The following SERPINA4 variants were observed in gnomAD, a reference collection of about 807,000 sequenced individuals.
SERPINA4 encodes kallistatin.
A neutral mutation model predicts 25.4 loss-of-function variants in SERPINA4; 24 were observed. The observed-to-expected ratio is 0.95, with a 90% CI of 0.69 to 1.33. SERPINA4 has a LOEUF of 1.33. Ranked by LOEUF, SERPINA4 falls within the 40% of genes most tolerant of loss-of-function variation. The pLI is 0.00. For synonymous variants in SERPINA4, 242 were observed against 223.6 expected (o/e 1.08, Z -0.73); for missense variants, 553 against 535.8 (o/e 1.03, Z -0.32).
At chr14:94,562,622 C>G (rs145354558) in intron 1 of SERPINA4, among the ~76,000 whole-genome samples, 1,876 of 152,096 alleles carry the variant, frequency 0.012, 20 homozygotes, top group Non-Finnish European at 0.018. Context: ...AACAAACAAC[C>G]AAACAAACAA....
At position 94,569,457 on chromosome 14, in the gene SERPINA4, C is replaced by T; in HGVS notation, c.1146C>T (p.Ser382=). Residue 382 remains serine (S), a synonymous_variant, in exon 5 of 5, where the codon AGC becomes AGT. Coordinates refer to ENST00000557004, the MANE Select transcript of SERPINA4 (RefSeq NM_006215.4). ...EAGTEAAAAT[S]FAIKFFSAQT... is the part of the protein sequence containing the mutation. ...GCACCGAGGCTGCAGCAGCCACCAG[C>T]TTCGCGATCAAATTCTTCTCTGCCC... 1 of 1,614,222 alleles carries T rather than the reference C, an allele frequency of 6.2e-7. No individual in the cohort carries two copies. Among genetic ancestry groups the T allele is most frequent in the Non-Finnish European group, 8.5e-7 (1 of 1,180,042 alleles).
chr14:94,564,373 A>C (rs1379289522), intron 2 of SERPINA4, among the ~76,000 whole-genome samples: 1 of 152,222 alleles, frequency 6.6e-6, no homozygotes, highest in Non-Finnish European at 1.5e-5. Context: ...TATAAAATGC[A>C]TTATAGCCAG....
intron 4 of SERPINA4, 47 bp downstream of exon 4, chr14:94,568,335 T>C: frequency 6.3e-7 from 1 of 1,594,938 alleles, no homozygotes; most frequent in Non-Finnish European, 8.6e-7. Context: ...GGTAGGGCAG[T>C]GCCCATGGGA....
intron 2 of SERPINA4, among the ~76,000 whole-genome samples, chr14:94,565,752 G>A (rs939469553): frequency 7.9e-5 from 12 of 152,210 alleles, no homozygotes; most frequent in Admixed American, 5.2e-4. Context: ...CAGCCACTTG[G>A]GAGGCTGAGG....
At chr14:94,562,957 CAT>C (rs1263359145) in intron 1 of SERPINA4, among the ~76,000 whole-genome samples, 2 of 152,112 alleles carry the variant, frequency 1.3e-5, no homozygotes, top group African/African-American at 4.8e-5. Context: ...GTTTGTAAAC[CAT>C]ATAAAGCACT....
At chr14:94,567,792 A>C (rs949303556) in intron 3 of SERPINA4, among the ~76,000 whole-genome samples, 2 of 152,252 alleles carry the variant, frequency 1.3e-5, no homozygotes, top group Non-Finnish European at 1.5e-5. Flanking sequence ...GCTGGTTCAA[A>C]AAGAATAAAA....
In SERPINA4 at chr14:94,568,204, G is replaced by T. The variant is rs929227047; in HGVS notation, c.999G>T (p.Leu333Phe). 5 of 1,614,102 alleles carry T rather than the reference G, an allele frequency of 3.1e-6. No homozygotes were observed. The highest frequency in any genetic ancestry group is 4.2e-6 in the Non-Finnish European group (5 of 1,180,046). The stretch of plus-strand genomic sequence containing the variant: ...GCTCCTATGTATTAGATCAGATTTT[G>T]CCCAGGCTGGGCTTCACGGATCTGT... ...ISGSYVLDQI[L>F]PRLGFTDLFS... Residue 333 changes from leucine to phenylalanine, a missense_variant, in exon 4 of 5, where the codon TTG becomes TTT. Coordinates refer to ENST00000557004, the MANE Select transcript of SERPINA4 (RefSeq NM_006215.4).
At chr14:94,569,218 A>C (rs1595068228) in intron 4 of SERPINA4, among the ~76,000 whole-genome samples, 177 bp from the exon 5 acceptor site, 1 of 152,220 alleles carries the variant, frequency 6.6e-6, no homozygotes, top group African/African-American at 2.4e-5. Context: ...TGTGTGTGGC[A>C]GGAGGTCTCT....
Position 94,563,620 on chromosome 14 carries a change from C to T in SERPINA4, c.138C>T (p.Ser46=), listed in dbSNP as rs769158748. The change falls in exon 2 of 5, where the codon TCC becomes TCT. Residue 46 remains serine (S), a synonymous_variant. Coordinates refer to ENST00000557004, the MANE Select transcript of SERPINA4 (RefSeq NM_006215.4). The part of the protein sequence containing the change: ...HQQILETGEG[S]PSLKIAPANA... ...AGATTCTGGAGACAGGTGAGGGCTC[C>T]CCCAGCCTCAAGATAGCCCCTGCCA... 9 of 1,613,816 alleles carry T rather than the reference C, an allele frequency of 5.6e-6. No individual in the cohort carries two copies. The highest frequency in any genetic ancestry group is 7.6e-6 in the Non-Finnish European group (9 of 1,180,044).
intron 1 of SERPINA4, 189 bp downstream of exon 1, chr14:94,561,683 C>T (rs910352): frequency 0.37 from 472,561 of 1,288,666 alleles, 88,152 homozygotes; most frequent in East Asian, 0.55. Flanking sequence ...AGAAAGGCCC[C>T]GACTTAGGGT....
intron 2 of SERPINA4, among the ~76,000 whole-genome samples, chr14:94,565,185 T>A (rs1296245176): frequency 6.6e-6 from 1 of 152,138 alleles, no homozygotes; most frequent in African/African-American, 2.4e-5. Context: ...TAGAGGGGAA[T>A]CTATATGCCA....
chr14:94,566,831 G>A (rs991746005), intron 2 of SERPINA4, 139 bp from the exon 3 acceptor site: 3 of 958,902 alleles, frequency 3.1e-6, no homozygotes, highest in South Asian at 1.7e-5. Flanking sequence ...TGGTCAAAAT[G>A]GGACATCTTG....
intron 4 of SERPINA4, 116 bp downstream of exon 4, chr14:94,568,404 C>A: frequency 9.7e-7 from 1 of 1,026,514 alleles, no homozygotes; most frequent in South Asian, 1.6e-5. Flanking sequence ...TGAGTGTGTT[C>A]AGTCATCTAC....
chr14:94,567,248 T>A lies in SERPINA4; in HGVS notation c.923+5T>A. On this transcript the variant is annotated splice_donor_5th_base_variant and intron_variant, in intron 3 of 4. Coordinates refer to ENST00000557004, the MANE Select transcript of SERPINA4 (RefSeq NM_006215.4). ...GAACAACTTGTTGCGGAAGAGGTAA[T>A]CAGTGTGCTATGGGGGCTGAATCTA... The A allele has an allele frequency of 6.2e-7, 1 of 1,611,442 alleles. No individual in the cohort carries two copies.
At chr14:94,567,541 A>G (rs1333117935) in intron 3 of SERPINA4, among the ~76,000 whole-genome samples, 1 of 152,080 alleles carries the variant, frequency 6.6e-6, no homozygotes. Flanking sequence ...CTGGGGGGTT[A>G]CCTCTGTGCA....
Position 94,569,788 on chromosome 14 carries a change from T to G in SERPINA4, c.*193T>G. On this transcript the variant is annotated 3_prime_UTR_variant, in exon 5 of 5. Coordinates refer to ENST00000557004, the MANE Select transcript of SERPINA4 (RefSeq NM_006215.4). ...AGGGCCTGGACATTCCACACCCTGG[T>G]GCTGTGCAGCCTCTGGCAGAGCATC... 1.6e-6 allele frequency: 1 copy of G among 618,348 alleles called. No homozygotes were observed. Among genetic ancestry groups the G allele is most frequent in the East Asian group, 2.8e-5 (1 of 36,102 alleles). 38.3% of individuals were successfully genotyped at this position (618,348 alleles called of 1,614,324 possible). A position where few individuals can be genotyped will look rare whatever the true frequency, so the allele number is the denominator to read the frequency against.
Position 94,563,583 on chromosome 14 carries a change from G to A in SERPINA4, c.101G>A (p.Ser34Asn). Residue 34 changes from serine (S) to asparagine (N), a missense_variant, in exon 2 of 5, where the codon AGC becomes AAC. Physicochemically the swap from Ser to Asn is conservative, Grantham distance 46. Coordinates refer to ENST00000557004, the MANE Select transcript of SERPINA4 (RefSeq NM_006215.4). ...CATGATGGTGAGAGTTGCAGTAACA[G>A]CTCCCACCAGCAGATTCTGGAGACA... The part of the protein sequence containing the change: ...VEHDGESCSN[S>N]SHQQILETGE... The A allele has an allele frequency of 6.2e-7, 1 of 1,614,004 alleles. No homozygotes were observed. The highest frequency in any genetic ancestry group is 2.2e-5 in the East Asian group (1 of 44,888).
Position 94,567,037 on chromosome 14 carries a change from A to C in SERPINA4, c.717A>C (p.Thr239=), listed in dbSNP as rs1480684332. ...TPKDFYVDEN[T]TVRVPMMLQD... is the part of the protein sequence containing the mutation. ...AAGACTTCTATGTTGATGAGAACAC[A>C]ACAGTCCGGGTGCCCATGATGCTGC... Residue 239 remains threonine (T), a synonymous_variant, in exon 3 of 5, where the codon ACA becomes ACC. Transcript: ENST00000557004. 2 of 1,614,234 alleles carry C rather than the reference A, an allele frequency of 1.2e-6. No individual in the cohort carries two copies. The highest frequency in any genetic ancestry group is 3.3e-5 in the Admixed American group (2 of 60,028).
intron 1 of SERPINA4, among the ~76,000 whole-genome samples, chr14:94,562,127 A>T (rs1419139359): frequency 2.6e-5 from 4 of 152,258 alleles, no homozygotes; most frequent in African/African-American, 9.6e-5. Context: ...ATAATATGAA[A>T]TTCACATTTC....
Sources: allele counts gnomAD v4.1 joint callset (sites outside exome capture counted in the v4.1 genomes callset), GRCh38; gene constraint gnomAD v4.1.1; transcripts MANE v1.5; gene names NCBI Gene and HGNC (gene_info 2026-07-23, HGNC 2026-07-21).